ZNF532: variants seen among roughly 807,000 people sequenced by gnomAD.
ZNF532 encodes the protein zinc finger protein 532.
A neutral mutation model predicts 89.3 loss-of-function variants in ZNF532; 22 were observed. That is an observed-to-expected ratio of 0.25 (90% CI 0.18 to 0.35). The LOEUF is 0.35. Among genes scored for constraint, ZNF532 ranks in the 10% least tolerant of loss-of-function variants. The pLI is 1.00. For missense variants in ZNF532, 1,132 were observed against 1,643.4 expected (o/e 0.69, Z 5.38); for synonymous variants, 606 against 649.6 (o/e 0.93, Z 1.02).
intron 2 of ZNF532, among the ~76,000 whole-genome samples, chr18:58,899,309 A>T (rs758825263): frequency 2.2e-4 from 33 of 152,226 alleles, no homozygotes; most frequent in Non-Finnish European, 4.3e-4. Flanking sequence ...TGATTTGTTT[A>T]TCTGAAATTC....
At chr18:58,871,397 G>A (rs2056971438) in intron 2 of ZNF532, among the ~76,000 whole-genome samples, 1 of 152,142 alleles carries the variant, frequency 6.6e-6, no homozygotes, top group South Asian at 2.1e-4. Flanking sequence ...CAGCTATTAT[G>A]TTACCTCATT....
chr18:58,886,821 C>T (rs1314628829), intron 2 of ZNF532, among the ~76,000 whole-genome samples: 1 of 152,140 alleles, frequency 6.6e-6, no homozygotes, highest in African/African-American at 2.4e-5. Flanking sequence ...GAGGCCTTGC[C>T]CATTTTTCTT....
In ZNF532 at chr18:58,981,677, A is replaced by AT. The variant is rs1265853208; in HGVS notation, c.3411+67dup. 3.2e-5 allele frequency: 51 copies of AT among 1,596,268 alleles called. No homozygotes were observed. In the South Asian group the frequency reaches 3.5e-4, roughly 11 times the overall value. On this transcript the variant is annotated intron_variant, in intron 9 of 9. Transcript: ENST00000591808. ...TTGTGTTGACTTGCTTTTCCCATTC[A>AT]TTTTTTTCCTTTCAAGTTTTTGTTG...
chr18:58,959,805 C>T (rs1028037238), intron 7 of ZNF532, among the ~76,000 whole-genome samples: 3 of 152,186 alleles, frequency 2.0e-5, no homozygotes, highest in South Asian at 2.1e-4. Flanking sequence ...AGATGTTTTT[C>T]TCTCTATACT....
chr18:58,953,625 G>T lies in ZNF532; in HGVS notation c.2976G>T (p.Glu992Asp), dbSNP rs1568411309. Residue 992 changes from glutamate (E) to aspartate (D), a missense_variant, in exon 7 of 10, where the codon GAG (glutamate) becomes GAT (aspartate). Glu to Asp is a conservative substitution (Grantham distance 45, BLOSUM62 2). Around this residue, in one of 9 missense-constraint regions of ZNF532, gnomAD observed 415 missense variants for 604.8 expected, o/e 0.69. Coordinates refer to ENST00000591808, the MANE Select transcript of ZNF532 (RefSeq NM_001375912.1). ...ATQNSANQNK[E>D]DTKSMNGKEK... ...AAAATTCAGCAAATCAGAACAAAGA[G>T]GACACCAAATCCATGAATGGGAAAG... The T allele has an allele frequency of 2.5e-6, 4 of 1,613,938 alleles. No individual in the cohort carries two copies. In the African/African-American group the frequency reaches 5.3e-5, roughly 22 times the overall value.
At chr18:58,886,809 T>C (rs564389741) in intron 2 of ZNF532, among the ~76,000 whole-genome samples, 2 of 152,330 alleles carry the variant, frequency 1.3e-5, no homozygotes, top group South Asian at 2.1e-4. Context: ...ATATAGCACA[T>C]AGAGGCCTTG....
At chr18:58,921,896 A>C (rs1345272149) in intron 3 of ZNF532, among the ~76,000 whole-genome samples, 1 of 152,166 alleles carries the variant, frequency 6.6e-6, no homozygotes, top group East Asian at 1.9e-4. Context: ...GCCTGAGCTC[A>C]GGAGTTCGAG....
At chr18:58,962,292 C>CT (rs2065433317) in intron 7 of ZNF532, among the ~76,000 whole-genome samples, 1 of 152,002 alleles carries the variant, frequency 6.6e-6, no homozygotes, top group South Asian at 2.1e-4. Context: ...TGAAAGGAAA[C>CT]TACCAGTGGT....
intron 2 of ZNF532, among the ~76,000 whole-genome samples, chr18:58,868,681 G>C (rs1040752338): frequency 2.6e-5 from 4 of 152,186 alleles, no homozygotes; most frequent in Non-Finnish European, 5.9e-5. Flanking sequence ...TCATTTGCTG[G>C]GTGAAGGACA....
At chr18:58,962,609 T>C (rs1426154034) in intron 7 of ZNF532, among the ~76,000 whole-genome samples, 1 of 146,850 alleles carries the variant, frequency 6.8e-6, no homozygotes, top group African/African-American at 2.5e-5. Flanking sequence ...CTGGCATTCT[T>C]TTTTTTTTTT....
At chr18:58,904,945 A>T (rs35160920) in intron 2 of ZNF532, among the ~76,000 whole-genome samples, 30,433 of 150,838 alleles carry the variant, frequency 0.2, 4,099 homozygotes, top group Middle Eastern at 0.38. Context: ...GAGTTCTAGC[A>T]GTTCTCGTGC....
intron 7 of ZNF532, among the ~76,000 whole-genome samples, chr18:58,966,424 C>A (rs2065918849): frequency 6.6e-6 from 1 of 152,000 alleles, no homozygotes; most frequent in African/African-American, 2.4e-5. Context: ...TTTTAGCAAA[C>A]CTGTTTATTT....
intron 7 of ZNF532, among the ~76,000 whole-genome samples, chr18:58,976,201 T>A (rs1400949449): frequency 6.6e-6 from 1 of 152,236 alleles, no homozygotes; most frequent in Non-Finnish European, 1.5e-5. Flanking sequence ...ACCCTGCTTA[T>A]TTTTGAATTG....
At chr18:58,960,115 C>T (rs778363069) in intron 7 of ZNF532, among the ~76,000 whole-genome samples, 10 of 152,236 alleles carry the variant, frequency 6.6e-5, no homozygotes, top group Admixed American at 3.9e-4. Flanking sequence ...ATTTTTGTAT[C>T]TTTAGTAGAG....
intron 7 of ZNF532, among the ~76,000 whole-genome samples, chr18:58,976,310 T>G (rs1053787131): frequency 6.6e-6 from 1 of 152,242 alleles, no homozygotes; most frequent in Non-Finnish European, 1.5e-5. Context: ...TTTGCTAAGC[T>G]GCTCTTCATT....
intron 5 of ZNF532, chr18:58,940,470 G>C (rs1395471925): frequency 6.6e-6 from 1 of 151,978 alleles, no homozygotes; most frequent in Non-Finnish European, 1.5e-5. Context: ...TAGCAAAAAG[G>C]GGCTGCCTGC....
intron 9 of ZNF532, among the ~76,000 whole-genome samples, chr18:58,982,987 G>A (rs772573904): frequency 6.6e-6 from 1 of 152,114 alleles, no homozygotes; most frequent in South Asian, 2.1e-4. Context: ...TGGTGCACAC[G>A]TATAGTCCCA....
chr18:58,888,714 TATATATATATAAA>T (rs2058498293), intron 2 of ZNF532, among the ~76,000 whole-genome samples: 3 of 50,328 alleles, frequency 6.0e-5, no homozygotes, highest in Non-Finnish European at 9.0e-5. Flanking sequence ...TATATATATA[TATATATATATAAA>T]TTATATATAT....
Position 58,928,481 on chromosome 18 carries a change from G to A in ZNF532, c.2347-5952G>A, listed in dbSNP as rs183533673. 3.3e-5 allele frequency among the ~76,000 whole-genome samples: 5 copies of A among 152,286 alleles called. 1 individual carries two copies. The highest frequency in any genetic ancestry group is 1.3e-4 in the Admixed American group (2 of 15,288). On this transcript the variant is annotated intron_variant, in intron 3 of 9. Transcript: ENST00000591808. ...GTGTTGGAATATATGGTTTTAGCTC[G>A]AGGCTCTCTGCCATACATTCCCAAA...
Sources: allele counts gnomAD v4.1 joint callset (sites outside exome capture counted in the v4.1 genomes callset), GRCh38; gene constraint gnomAD v4.1.1; regional missense constraint gnomAD v4.1.1; transcripts MANE v1.5; gene names NCBI Gene and HGNC (gene_info 2026-07-23, HGNC 2026-07-21).